MBTPS2: variants seen among roughly 807,000 people sequenced by gnomAD.
MBTPS2 encodes membrane-bound transcription factor site-2 protease.
A neutral mutation model predicts 35.4 loss-of-function variants in MBTPS2; 2 were observed. The observed-to-expected ratio is 0.06, with a 90% confidence interval of 0.02 to 0.18. The LOEUF is 0.18. Ranked by LOEUF, MBTPS2 falls within the 10% of genes least tolerant of loss-of-function variation. The pLI, the probability that MBTPS2 is intolerant of heterozygous loss-of-function variation, is 1.00. For synonymous variants in MBTPS2, 125 were observed against 140.4 expected, an observed-to-expected ratio of 0.89 and a Z score of 0.77; for missense variants, 244 against 386.5, an observed-to-expected ratio of 0.63 and a Z score of 3.09.
chrX:21,860,091 CA>C (rs536679485), intron 5 of MBTPS2, among the ~76,000 whole-genome samples: 537 of 62,948 alleles, frequency 8.5e-3, no homozygotes, highest in Middle Eastern at 0.027. Context: ...GACCTTGTGT[CA>C]AAAAAAAAAA....
At chrX:21,851,733 C>A in intron 4 of MBTPS2, 121 bp downstream of exon 4, 1 of 539,162 alleles carries the variant, frequency 1.9e-6, no homozygotes, top group South Asian at 2.5e-5. Flanking sequence ...CGGCTATTGC[C>A]TAGTGCATAG....
chrX:21,855,913 C>T (rs1200348171), intron 5 of MBTPS2: 3 of 111,886 alleles, frequency 2.7e-5, no homozygotes, highest in Admixed American at 9.4e-5. Context: ...TAGCACAACA[C>T]TTTGCATTCC....
rs370803875 is a variant in MBTPS2 at position 21,878,497 on chromosome X, C to T, written c.1066C>T (p.His356Tyr). 8.4e-7 allele frequency: 1 copy of T among 1,185,552 alleles called. No individual in the cohort carries two copies. Among genetic ancestry groups the T allele is most frequent in the African/African-American group, 1.7e-5 (1 of 57,282 alleles). ...SYRNNFNKRL[H>Y]TCLPARKAVE... Reference sequence around the variant, plus strand: ...TGACTGATTAATATTTTATTTATAGCATACATGTCTTCCTGCCCGGAAAGC... The same window carrying T: ...TGACTGATTAATATTTTATTTATAGTATACATGTCTTCCTGCCCGGAAAGC... Residue 356 changes from histidine to tyrosine, a missense_variant and splice_region_variant, in exon 9 of 11, where the codon CAT (histidine) becomes TAT (tyrosine). His to Tyr is a moderately conservative substitution (Grantham distance 83). Transcript: ENST00000379484.
intron 7 of MBTPS2, among the ~76,000 whole-genome samples, chrX:21,877,180 G>A (rs967167058): frequency 3.6e-4 from 40 of 112,266 alleles, no homozygotes; most frequent in Non-Finnish European, 6.4e-4. Flanking sequence ...AATAGCTCAC[G>A]CCTGTAATCT....
intron 5 of MBTPS2, among the ~76,000 whole-genome samples, chrX:21,863,964 C>T (rs1433433156): frequency 8.9e-6 from 1 of 111,744 alleles, no homozygotes; most frequent in Non-Finnish European, 1.9e-5. Flanking sequence ...AGTTTAGTAT[C>T]CCTGCTAAAT....
In MBTPS2 at chrX:21,884,497, T is replaced by TA; in HGVS notation, c.*1849dup. 3 of 749,684 alleles carry TA rather than the reference T, an allele frequency of 4.0e-6. No individual in the cohort carries two copies. Among genetic ancestry groups the TA allele is most frequent in the Non-Finnish European group, 4.7e-6 (3 of 635,023 alleles). The allele number at this position is 749,684 out of a possible 1,213,427, so 61.8% of individuals were successfully genotyped here. A position where few individuals can be genotyped will look rare whatever the true frequency, so the allele number is the denominator to read the frequency against. The stretch of plus-strand genomic sequence containing the variant: ...TTATTCATTAATTTATTTTTCTGAG[T>TA]AAAAAAACGAAACCCAAATCTCATT... On this transcript the variant is annotated 3_prime_UTR_variant, in exon 11 of 11. Coordinates refer to ENST00000379484, the MANE Select transcript of MBTPS2 (RefSeq NM_015884.4).
chrX:21,879,946 A>G (rs868413140), intron 9 of MBTPS2, among the ~76,000 whole-genome samples: 1 of 40,537 alleles, frequency 2.5e-5, no homozygotes, highest in Non-Finnish European at 3.9e-5. Context: ...GTTTTATGTT[A>G]TTCTTTTTTT....
chrX:21,875,774 A>G (rs973195580), intron 7 of MBTPS2, among the ~76,000 whole-genome samples: 2 of 112,204 alleles, frequency 1.8e-5, no homozygotes, highest in African/African-American at 3.2e-5. Context: ...AAGTAATGAC[A>G]GGCAATACTG....
chrX:21,845,474 A>C (rs2092907710), intron 3 of MBTPS2, 90 bp downstream of exon 3: 2 of 850,941 alleles, frequency 2.4e-6, no homozygotes, highest in African/African-American at 4.1e-5. Flanking sequence ...CCATAATATA[A>C]ATATGAAAAT....
intron 5 of MBTPS2, chrX:21,858,877 A>G (rs2092927401): frequency 1.2e-5 from 1 of 86,939 alleles, no homozygotes; most frequent in African/African-American, 4.7e-5. Context: ...TGACAGAGTA[A>G]GACCTTGTGT....
At chrX:21,845,424 G>T in intron 3 of MBTPS2, 40 bp downstream of exon 3, 1 of 1,126,963 alleles carries the variant, frequency 8.9e-7, no homozygotes, top group Non-Finnish European at 1.2e-6. Flanking sequence ...TATCGAAATA[G>T]AGATGCAAGA....
intron 5 of MBTPS2, among the ~76,000 whole-genome samples, chrX:21,866,958 G>A (rs2092940678): frequency 9.3e-6 from 1 of 107,839 alleles, no homozygotes; most frequent in African/African-American, 3.4e-5. Context: ...GAACCCAGGA[G>A]GCAGAGGTTG....
intron 8 of MBTPS2, 132 bp from the exon 9 acceptor site, chrX:21,878,365 G>A (rs902902926): frequency 1.9e-6 from 1 of 537,493 alleles, no homozygotes; most frequent in African/African-American, 2.3e-5. Flanking sequence ...TATAGTAGAT[G>A]CACATAAATG....
At chrX:21,867,014 C>T (rs1482184498) in intron 5 of MBTPS2, among the ~76,000 whole-genome samples, 1 of 72,372 alleles carries the variant, frequency 1.4e-5, no homozygotes, top group Non-Finnish European at 2.4e-5. Context: ...GTGACTCTGT[C>T]TCAAAAAAAA....
intron 1 of MBTPS2, among the ~76,000 whole-genome samples, chrX:21,840,331 T>G (rs774497977): frequency 8.9e-6 from 1 of 112,244 alleles, no homozygotes; most frequent in South Asian, 3.7e-4. Flanking sequence ...GGCCTAAAAT[T>G]CTGCATTTCT....
In MBTPS2 at chrX:21,884,560, T is replaced by A. The variant is rs1016995103; in HGVS notation, c.*1905T>A. ...TTAAACATTTTGATCTGTTGACCCA[T>A]AGGATCAGGATTTGGGAACCACTTT... On this transcript the variant is annotated 3_prime_UTR_variant, in exon 11 of 11. Coordinates refer to ENST00000379484, the MANE Select transcript of MBTPS2 (RefSeq NM_015884.4). The A allele has an allele frequency of 1.3e-6, 1 of 752,531 alleles. No individual in the cohort carries two copies. Among genetic ancestry groups the A allele is most frequent in the African/African-American group, 2.3e-5 (1 of 43,326 alleles). 62.0% of individuals were successfully genotyped at this position (752,531 alleles called of 1,213,427 possible). A position where few individuals can be genotyped will look rare whatever the true frequency, so the allele number is the denominator to read the frequency against.
rs60769329 is a variant in MBTPS2 at position 21,879,949 on chromosome X, C to CTTTTTTTTTTTTTTTTTTTTTTTTTTTT, written c.1262-927_1262-926insTTTTTTTTTTTTTTTTTTTTTTTTTTTT. On this transcript the variant is annotated intron_variant, in intron 9 of 10. Coordinates refer to ENST00000379484, the MANE Select transcript of MBTPS2 (RefSeq NM_015884.4). ...ATGGATATGTGGGTTTTATGTTATT[C>CTTTTTTTTTTTTTTTTTTTTTTTTTTTT]TTTTTTTTTTTTTTTTTTTTTGAGA... Among the ~76,000 whole-genome samples, 12 of 47,419 alleles carry CTTTTTTTTTTTTTTTTTTTTTTTTTTTT rather than the reference C, an allele frequency of 2.5e-4. 2 individuals carry two copies. Among genetic ancestry groups the CTTTTTTTTTTTTTTTTTTTTTTTTTTTT allele is most frequent in the South Asian group, 8.8e-4 (1 of 1,132 alleles). The allele number at this position is 47,419 out of a possible 115,157, so 41.2% of individuals were successfully genotyped here. A position where few individuals can be genotyped will look rare whatever the true frequency, so the allele number is the denominator to read the frequency against.
chrX:21,857,172 T>G, intron 5 of MBTPS2: 1 of 1,211,854 alleles, frequency 8.3e-7, no homozygotes, highest in African/African-American at 1.7e-5. Context: ...CATTGATCTC[T>G]CAGATCCTAA....
chrX:21,863,263 CAAAAA>C (rs58548977), intron 5 of MBTPS2, among the ~76,000 whole-genome samples: 1 of 57,545 alleles, frequency 1.7e-5, no homozygotes, highest in Non-Finnish European at 3.4e-5. Context: ...GAGACTGTCT[CAAAAA>C]AAAAAAAAAA....
Sources: allele counts gnomAD v4.1 joint callset (sites outside exome capture counted in the v4.1 genomes callset), GRCh38; gene constraint gnomAD v4.1.1; transcripts MANE v1.5; gene names NCBI Gene and HGNC (gene_info 2026-07-23, HGNC 2026-07-21).